PTPRD: variants seen among roughly 807,000 people sequenced by gnomAD.
The protein encoded by PTPRD is receptor-type tyrosine-protein phosphatase delta.
In PTPRD, 34 loss-of-function variants were observed where a neutral mutation model predicts 214.5. That is an observed-to-expected ratio of 0.16 (90% CI 0.12 to 0.21). The LOEUF (loss-of-function observed/expected upper bound fraction) is 0.21, where lower values mean the gene tolerates loss of function less well. Ranked by LOEUF, PTPRD falls within the 10% of genes least tolerant of loss-of-function variation. The pLI is 1.00. For synonymous variants in PTPRD, 1,128 were observed against 845.7 expected (o/e 1.33, Z -5.79); for missense variants, 2,545 against 2,398.7 (o/e 1.06, Z -1.27).
Position 9,804,777 on chromosome 9 carries a change from A to C in PTPRD, c.-367-37926T>G, listed in dbSNP as rs1598331255. Among the ~76,000 whole-genome samples the C allele has an allele frequency of 2.6e-5, 4 of 151,706 alleles. No individual in the cohort carries two copies. In the South Asian group the frequency reaches 8.3e-4, roughly 31 times the overall value. Reference sequence around the variant, plus strand: ...ATATGAGGTGTGCTTTTTATATATAAAATGTTTGATTATAATCAGATGATT... The same window carrying C: ...ATATGAGGTGTGCTTTTTATATATACAATGTTTGATTATAATCAGATGATT... On this transcript the variant is annotated intron_variant, in intron 5 of 45. Coordinates refer to ENST00000381196, the MANE Select transcript of PTPRD (RefSeq NM_002839.4).
At chr9:10,113,434 G>A (rs2098707128) in intron 3 of PTPRD, among the ~76,000 whole-genome samples, 1 of 152,124 alleles carries the variant, frequency 6.6e-6, no homozygotes, top group South Asian at 2.1e-4. Context: ...TGTTAAAACT[G>A]CTGCTCAATA....
At chr9:8,885,737 A>T (rs13296407) in intron 11 of PTPRD, among the ~76,000 whole-genome samples, 33,201 of 151,778 alleles carry the variant, frequency 0.22, 4,280 homozygotes, top group Middle Eastern at 0.29. Context: ...TCTCAGGCGA[A>T]CCACCCACCT....
Position 8,575,241 on chromosome 9 carries a change from G to C in PTPRD, c.353-46462C>G, listed in dbSNP as rs151124371. ...TAACTCAAATCACTTGTGTTCATGA[G>C]AAAAGGAAAAAGGCGATTATATATT... On this transcript the variant is annotated intron_variant, in intron 14 of 45. Coordinates refer to ENST00000381196, the MANE Select transcript of PTPRD (RefSeq NM_002839.4). Among the ~76,000 whole-genome samples the C allele has an allele frequency of 4.7e-3, 717 of 152,112 alleles. 7 individuals are homozygous for C. Among genetic ancestry groups the C allele is most frequent in the Non-Finnish European group, 8.0e-3 (541 of 67,930 alleles).
At chr9:10,470,361 T>C (rs2099022436) in intron 2 of PTPRD, among the ~76,000 whole-genome samples, 1 of 152,164 alleles carries the variant, frequency 6.6e-6, no homozygotes, top group South Asian at 2.1e-4. Flanking sequence ...AAATCCATTA[T>C]ATAGCTAAAG....
intron 2 of PTPRD, among the ~76,000 whole-genome samples, chr9:10,399,547 T>G (rs1316912970): frequency 6.6e-6 from 1 of 151,970 alleles, no homozygotes; most frequent in African/African-American, 2.4e-5. Flanking sequence ...AGAGGCTTCA[T>G]GAAGCTATGC....
chr9:9,578,748 A>T (rs1012945598), intron 7 of PTPRD, among the ~76,000 whole-genome samples: 2 of 152,058 alleles, frequency 1.3e-5, no homozygotes, highest in Non-Finnish European at 2.9e-5. Flanking sequence ...CACAGAAGAG[A>T]CTGAAAGCCA....
At chr9:9,045,576 T>G (rs2099670120) in intron 10 of PTPRD, among the ~76,000 whole-genome samples, 1 of 152,162 alleles carries the variant, frequency 6.6e-6, no homozygotes, top group Admixed American at 6.6e-5. Flanking sequence ...GCTTCTATGT[T>G]ATGAAGGCTG....
intron 14 of PTPRD, among the ~76,000 whole-genome samples, chr9:8,536,759 A>G (rs2077051932): frequency 2.0e-5 from 3 of 152,024 alleles, no homozygotes; most frequent in Admixed American, 2.0e-4. Flanking sequence ...AAGTAGACCT[A>G]ACATATCTAC....
chr9:10,232,751 G>A (rs909019969), intron 3 of PTPRD, among the ~76,000 whole-genome samples: 2 of 151,874 alleles, frequency 1.3e-5, no homozygotes, highest in East Asian at 1.9e-4. Flanking sequence ...AAACTGATAG[G>A]GAATGAGAGT....
At chr9:10,347,926 A>G (rs914936144) in intron 2 of PTPRD, among the ~76,000 whole-genome samples, 1 of 151,866 alleles carries the variant, frequency 6.6e-6, no homozygotes, top group African/African-American at 2.4e-5. Context: ...AGCGTGGTGC[A>G]TGTGCCTGGA....
intron 8 of PTPRD, among the ~76,000 whole-genome samples, chr9:9,570,573 T>C (rs964130373): frequency 2.6e-5 from 4 of 151,582 alleles, no homozygotes; most frequent in African/African-American, 7.2e-5. Flanking sequence ...TATTTATCTT[T>C]TTGGAATGGC....
chr9:9,248,182 TC>T (rs2131411139), intron 9 of PTPRD, among the ~76,000 whole-genome samples: 1 of 152,012 alleles, frequency 6.6e-6, no homozygotes, highest in Non-Finnish European at 1.5e-5. Context: ...AACCTTTAAC[TC>T]CCAGGTTCAA....
chr9:8,749,378 G>A (rs186457676), intron 11 of PTPRD, among the ~76,000 whole-genome samples: 181 of 152,234 alleles, frequency 1.2e-3, no homozygotes, highest in Non-Finnish European at 1.2e-3. Flanking sequence ...AGTAGAGACG[G>A]GGTTTCACCA....
At chr9:9,133,685 C>T (rs1385448224) in intron 10 of PTPRD, among the ~76,000 whole-genome samples, 3 of 152,148 alleles carry the variant, frequency 2.0e-5, no homozygotes, top group Non-Finnish European at 2.9e-5. Flanking sequence ...TGTTCGGTTA[C>T]TGAACAATCG....
chr9:8,554,265 T>C (rs1344615787), intron 14 of PTPRD, among the ~76,000 whole-genome samples: 1 of 152,136 alleles, frequency 6.6e-6, no homozygotes, highest in Non-Finnish European at 1.5e-5. Context: ...AAAGCTTTGT[T>C]AACAAGGAGG....
At chr9:9,249,764 G>T (rs549309693) in intron 9 of PTPRD, among the ~76,000 whole-genome samples, 1 of 152,150 alleles carries the variant, frequency 6.6e-6, no homozygotes, top group South Asian at 2.1e-4. Context: ...ACAGCACTTT[G>T]TTGGCTATTT....
At chr9:9,697,065 AC>A (rs2097390653) in intron 7 of PTPRD, among the ~76,000 whole-genome samples, 1 of 152,130 alleles carries the variant, frequency 6.6e-6, no homozygotes, top group South Asian at 2.1e-4. Flanking sequence ...AATAGTTAAA[AC>A]AAATTGTACA....
At chr9:10,533,032 T>C (rs752747404) in intron 2 of PTPRD, among the ~76,000 whole-genome samples, 2 of 152,022 alleles carry the variant, frequency 1.3e-5, no homozygotes, top group African/African-American at 2.4e-5. Context: ...CCTCTAATGC[T>C]CTCCAGATAG....
chr9:8,566,442 C>G (rs1055638417), intron 14 of PTPRD, among the ~76,000 whole-genome samples: 1 of 152,106 alleles, frequency 6.6e-6, no homozygotes, highest in Non-Finnish European at 1.5e-5. Flanking sequence ...ATATCAAAAG[C>G]TGATCATTAA....
Sources: allele counts gnomAD v4.1 joint callset (sites outside exome capture counted in the v4.1 genomes callset), GRCh38; gene constraint gnomAD v4.1.1; transcripts MANE v1.5; gene names NCBI Gene and HGNC (gene_info 2026-07-23, HGNC 2026-07-21).